Variants in MAGI2 observed in about 807,000 individuals in gnomAD.
The protein encoded by MAGI2 is membrane associated guanylate kinase, WW and PDZ domain containing 2.
In MAGI2, 35 loss-of-function variants were observed where a neutral mutation model predicts 133.3. The ratio of observed to expected loss-of-function variants is 0.26; its 90% CI spans 0.20 to 0.35. The LOEUF is 0.35. Among genes scored for constraint, MAGI2 ranks in the 10% least tolerant of loss-of-function variants. The pLI is 1.00. For synonymous variants in MAGI2, 729 were observed against 710.6 expected, an observed-to-expected ratio of 1.03 and a Z score of -0.41; for missense variants, 1,636 against 1,863.4, an observed-to-expected ratio of 0.88 and a Z score of 2.25.
intron 2 of MAGI2, among the ~76,000 whole-genome samples, chr7:78,793,364 G>A (rs1215728050): frequency 6.6e-6 from 1 of 152,160 alleles, no homozygotes. Context: ...TTCCGCAGGG[G>A]TTGCACCTAT....
chr7:79,297,932 A>C (rs1351772075), intron 1 of MAGI2, among the ~76,000 whole-genome samples: 2 of 152,162 alleles, frequency 1.3e-5, no homozygotes, highest in Non-Finnish European at 2.9e-5. Context: ...TCCTAGTCAA[A>C]ATTTAAGGGA....
intron 16 of MAGI2, among the ~76,000 whole-genome samples, chr7:78,137,397 C>T (rs1822267447): frequency 6.6e-6 from 1 of 152,198 alleles, no homozygotes; most frequent in African/African-American, 2.4e-5. Flanking sequence ...GCGAGTAGAA[C>T]AGTGCCTGAT....
At chr7:79,274,013 G>T (rs778037888) in intron 1 of MAGI2, among the ~76,000 whole-genome samples, 11 of 152,062 alleles carry the variant, frequency 7.2e-5, no homozygotes, top group Non-Finnish European at 1.3e-4. Flanking sequence ...GGGGTGCCAT[G>T]GTTCTCAGCC....
chr7:79,045,893 G>A (rs936055462), intron 1 of MAGI2, among the ~76,000 whole-genome samples: 2 of 152,112 alleles, frequency 1.3e-5, no homozygotes, highest in Non-Finnish European at 2.9e-5. Context: ...CTTGATTACG[G>A]TGTTTACATG....
At chr7:78,993,604 C>A (rs1805998029) in intron 2 of MAGI2, among the ~76,000 whole-genome samples, 1 of 151,902 alleles carries the variant, frequency 6.6e-6, no homozygotes, top group African/African-American at 2.4e-5. Context: ...TAGTTGCCAT[C>A]CTCAGAGGCA....
chr7:79,083,346 G>A (rs1294933486), intron 1 of MAGI2, among the ~76,000 whole-genome samples: 1 of 148,986 alleles, frequency 6.7e-6, no homozygotes, highest in African/African-American at 2.5e-5. Flanking sequence ...TAGGTTGAGG[G>A]TATTCTCTTC....
At chr7:79,234,813 C>T (rs1430567471) in intron 1 of MAGI2, among the ~76,000 whole-genome samples, 1 of 151,312 alleles carries the variant, frequency 6.6e-6, no homozygotes, top group Non-Finnish European at 1.5e-5. Context: ...CATTCTCCAT[C>T]CAGCTTTGTT....
intron 1 of MAGI2, among the ~76,000 whole-genome samples, chr7:79,250,744 A>G (rs952533488): frequency 9.9e-5 from 15 of 152,174 alleles, no homozygotes; most frequent in Admixed American, 9.8e-4. Flanking sequence ...GGAAAAAAAA[A>G]TACTAACAGT....
Position 78,896,138 on chromosome 7 carries a change from T to C in MAGI2, c.418+110952A>G, listed in dbSNP as rs554240450. On this transcript the variant is annotated intron_variant, in intron 2 of 21. Transcript: ENST00000354212. ...TATGACAAATCAAGTTAATTTGGGA[T>C]ATAATTTTCATTCAGCATGCAGTCT... 5.9e-5 allele frequency among the ~76,000 whole-genome samples: 9 copies of C among 152,350 alleles called. No homozygotes were observed. In the South Asian group the frequency reaches 1.7e-3, roughly 28 times the overall value.
At chr7:78,224,367 A>AT (rs1789141240) in intron 10 of MAGI2, among the ~76,000 whole-genome samples, 1 of 152,304 alleles carries the variant, frequency 6.6e-6, no homozygotes, top group East Asian at 1.9e-4. Flanking sequence ...ACAGTGAGTT[A>AT]TAAGTGCTCT....
At chr7:78,035,017 C>T (rs1449276484) in intron 21 of MAGI2, 1 of 152,342 alleles carries the variant, frequency 6.6e-6, no homozygotes, top group Non-Finnish European at 1.5e-5. Flanking sequence ...TGAGGTGTGG[C>T]GTGAAGCAGG....
intron 2 of MAGI2, among the ~76,000 whole-genome samples, chr7:78,799,130 C>T (rs1055980988): frequency 6.6e-6 from 1 of 152,096 alleles, no homozygotes; most frequent in African/African-American, 2.4e-5. Flanking sequence ...GCTGGTGTCC[C>T]TTTTATGTCT....
At chr7:79,161,372 T>C (rs993138165) in intron 1 of MAGI2, among the ~76,000 whole-genome samples, 1 of 152,076 alleles carries the variant, frequency 6.6e-6, no homozygotes, top group Admixed American at 6.6e-5. Context: ...TGAGCGTTTA[T>C]TGGGGCTGAT....
intron 2 of MAGI2, among the ~76,000 whole-genome samples, chr7:78,758,132 G>A (rs550708648): frequency 1.3e-5 from 2 of 151,910 alleles, no homozygotes; most frequent in Non-Finnish European, 2.9e-5. Context: ...GACATTTAAC[G>A]GTCCTTTTTC....
rs575743231 is a variant in MAGI2 at position 78,789,888 on chromosome 7, A to C, written c.419-162649T>G. Among the ~76,000 whole-genome samples, 12 of 152,306 alleles carry C rather than the reference A, an allele frequency of 7.9e-5. 1 individual carries two copies. The highest frequency in any genetic ancestry group is 2.9e-4 in the African/African-American group (12 of 41,584). On this transcript the variant is annotated intron_variant, in intron 2 of 21. Transcript: ENST00000354212. Reference sequence around the variant, plus strand: ...GGTACTGAGGTCATATGCAGGATCCATTTTGAAATAAAATGAAAATAGTTA... The same window carrying C: ...GGTACTGAGGTCATATGCAGGATCCCTTTTGAAATAAAATGAAAATAGTTA...
chr7:78,672,887 GA>G (rs1814559323), intron 2 of MAGI2, among the ~76,000 whole-genome samples: 2 of 152,120 alleles, frequency 1.3e-5, no homozygotes, highest in African/African-American at 4.8e-5. Context: ...GAGAGCCTAA[GA>G]AAACCAGAAC....
intron 1 of MAGI2, among the ~76,000 whole-genome samples, chr7:79,244,590 T>C (rs981824163): frequency 2.0e-5 from 3 of 152,146 alleles, no homozygotes; most frequent in Non-Finnish European, 4.4e-5. Context: ...GAATTGCCTA[T>C]CCCAGCAGCT....
At chr7:78,913,362 C>T (rs1398355259) in intron 2 of MAGI2, among the ~76,000 whole-genome samples, 3 of 152,058 alleles carry the variant, frequency 2.0e-5, no homozygotes, top group Non-Finnish European at 4.4e-5. Flanking sequence ...GCACTTTTGC[C>T]TCTCTTGCTC....
intron 21 of MAGI2, among the ~76,000 whole-genome samples, chr7:78,058,313 T>C (rs1812859743): frequency 6.6e-6 from 1 of 151,928 alleles, no homozygotes; most frequent in African/African-American, 2.4e-5. Context: ...AATGAGGGAA[T>C]GTCTGTGTTC....
Sources: allele counts gnomAD v4.1 joint callset (sites outside exome capture counted in the v4.1 genomes callset), GRCh38; gene constraint gnomAD v4.1.1; transcripts MANE v1.5; gene names NCBI Gene and HGNC (gene_info 2026-07-23, HGNC 2026-07-21).